The following SSBP2 variants were observed in gnomAD, a reference collection of about 807,000 sequenced individuals.
SSBP2 encodes the protein single-stranded DNA-binding protein 2.
In SSBP2, 17 loss-of-function variants were observed where a neutral mutation model predicts 61.8. That is an observed-to-expected ratio of 0.28 (90% CI 0.19 to 0.41). The LOEUF (loss-of-function observed/expected upper bound fraction) is 0.41. Among genes scored for constraint, SSBP2 ranks in the 10% least tolerant of loss-of-function variants. The pLI, the probability that SSBP2 is intolerant of heterozygous loss-of-function variation, is 1.00. For synonymous variants in SSBP2, 139 were observed against 141.3 expected (o/e 0.98, Z 0.12); for missense variants, 310 against 458.7 (o/e 0.68, Z 2.96).
intron 3 of SSBP2, among the ~76,000 whole-genome samples, chr5:81,622,426 G>C (rs1201602724): frequency 6.6e-6 from 1 of 152,184 alleles, no homozygotes; most frequent in East Asian, 1.9e-4. Context: ...TAAGAGCACA[G>C]GCACTGGAGC....
chr5:81,693,270 G>A (rs1490092046), intron 1 of SSBP2, among the ~76,000 whole-genome samples: 1 of 150,340 alleles, frequency 6.7e-6, no homozygotes, highest in Non-Finnish European at 1.5e-5. Context: ...ACTGGGCAAA[G>A]GTTTATTGAG....
intron 15 of SSBP2, among the ~76,000 whole-genome samples, chr5:81,434,559 G>A (rs766662093): frequency 4.0e-5 from 6 of 149,024 alleles, no homozygotes; most frequent in Non-Finnish European, 7.4e-5. Flanking sequence ...AACCCAGGAG[G>A]CGGAGGTTGC....
chr5:81,479,760 T>C (rs1490032044), intron 6 of SSBP2, among the ~76,000 whole-genome samples: 1 of 152,212 alleles, frequency 6.6e-6, no homozygotes, highest in Non-Finnish European at 1.5e-5. Context: ...GTTTAAACAA[T>C]CTTATAAAGT....
intron 4 of SSBP2, among the ~76,000 whole-genome samples, chr5:81,547,974 C>CTG (rs1771868581): frequency 2.0e-5 from 3 of 152,096 alleles, no homozygotes; most frequent in Non-Finnish European, 2.9e-5. Context: ...CTGTATGTTA[C>CTG]TGTGTAAACC....
intron 1 of SSBP2, among the ~76,000 whole-genome samples, chr5:81,677,833 A>G (rs1378708678): frequency 1.3e-5 from 2 of 151,330 alleles, no homozygotes; most frequent in African/African-American, 4.9e-5. Context: ...AAGGGTGAAA[A>G]AAAAAAAAAA....
At chr5:81,540,610 A>G (rs1771189540) in intron 4 of SSBP2, among the ~76,000 whole-genome samples, 1 of 152,088 alleles carries the variant, frequency 6.6e-6, no homozygotes, top group Non-Finnish European at 1.5e-5. Context: ...CATAAATTTG[A>G]TTAAGTTCTT....
intron 4 of SSBP2, among the ~76,000 whole-genome samples, chr5:81,570,531 G>T (rs1383692282): frequency 6.6e-6 from 1 of 152,164 alleles, no homozygotes; most frequent in Non-Finnish European, 1.5e-5. Flanking sequence ...TCTAAGTACA[G>T]TGACGACCAA....
chr5:81,534,603 A>G (rs1214456217), intron 4 of SSBP2, among the ~76,000 whole-genome samples: 4 of 152,150 alleles, frequency 2.6e-5, no homozygotes, highest in Non-Finnish European at 4.4e-5. Flanking sequence ...TAGACGAGAC[A>G]TGACTGAAGA....
intron 5 of SSBP2, among the ~76,000 whole-genome samples, chr5:81,508,243 C>G (rs1406173849): frequency 6.6e-6 from 1 of 152,030 alleles, no homozygotes; most frequent in Non-Finnish European, 1.5e-5. Context: ...CATGTCTACT[C>G]TCTTCCCTCT....
At chr5:81,567,847 T>C (rs555156990) in intron 4 of SSBP2, among the ~76,000 whole-genome samples, 8 of 152,336 alleles carry the variant, frequency 5.3e-5, no homozygotes, top group East Asian at 3.9e-4. Flanking sequence ...CTGCTGAATT[T>C]TGGACTTGCA....
intron 13 of SSBP2, among the ~76,000 whole-genome samples, 174 bp downstream of exon 13, chr5:81,442,479 T>C (rs1554064918): frequency 6.6e-6 from 1 of 152,108 alleles, no homozygotes; most frequent in Non-Finnish European, 1.5e-5. Context: ...ATCTCTGTTA[T>C]ATATGTTTAC....
intron 6 of SSBP2, among the ~76,000 whole-genome samples, chr5:81,484,163 C>A (rs1022919192): frequency 2.0e-5 from 3 of 152,082 alleles, no homozygotes; most frequent in African/African-American, 7.2e-5. Context: ...TTTGGATAGC[C>A]CTGTGAAGTT....
chr5:81,529,579 C>A (rs904083348), intron 4 of SSBP2, among the ~76,000 whole-genome samples: 2 of 151,970 alleles, frequency 1.3e-5, no homozygotes, highest in African/African-American at 4.8e-5. Flanking sequence ...AGAGAATTCA[C>A]AGAAAGGGGA....
intron 4 of SSBP2, among the ~76,000 whole-genome samples, chr5:81,561,226 G>C (rs1037324810): frequency 6.6e-6 from 1 of 151,998 alleles, no homozygotes; most frequent in Admixed American, 6.6e-5. Context: ...ACTGAACAAG[G>C]AAAATAATAG....
At chr5:81,506,803 CA>C (rs756772430) in intron 5 of SSBP2, among the ~76,000 whole-genome samples, 51 of 152,142 alleles carry the variant, frequency 3.4e-4, no homozygotes, top group Non-Finnish European at 6.0e-4. Flanking sequence ...ATCTATCTCC[CA>C]AAAACATTTA....
rs894663508 is a variant in SSBP2, at chr5:81,457,375, A to T, written c.687+3680T>A. Among the ~76,000 whole-genome samples, 5 of 152,248 alleles carry T rather than the reference A, an allele frequency of 3.3e-5. 1 individual carries two copies. The highest frequency in any genetic ancestry group is 1.2e-4 in the African/African-American group (5 of 41,472). On this transcript the variant is annotated intron_variant, in intron 10 of 16. Transcript: ENST00000320672. ...AGCTAACTAATAAACGGAGAAGAAA[A>T]GACAGAATTCAAAAATATCCATTTG...
At chr5:81,580,129 G>T (rs907886775) in intron 4 of SSBP2, among the ~76,000 whole-genome samples, 126 of 152,208 alleles carry the variant, frequency 8.3e-4, no homozygotes, top group African/African-American at 3.0e-3. Context: ...AGGAATGGGA[G>T]TGGTTGGTGA....
intron 1 of SSBP2, among the ~76,000 whole-genome samples, chr5:81,719,769 A>T (rs1357684810): frequency 7.9e-5 from 12 of 152,150 alleles, no homozygotes; most frequent in African/African-American, 1.2e-4. Context: ...AGCCTTTATT[A>T]TGGTTTTCAG....
At position 81,679,929 on chromosome 5, in the gene SSBP2, T is replaced by A. The variant is rs116740367; in HGVS notation, c.63-29590A>T. ...TAAGAATGGGCATCATCCAATCTGG[T>A]GAAGGCCTCAATAGAATAAAAAGGT... is the stretch of plus-strand genomic sequence containing the variant. On this transcript the variant is annotated intron_variant, in intron 1 of 16. Transcript: ENST00000320672. 7.7e-3 allele frequency among the ~76,000 whole-genome samples: 1,142 copies of A among 148,744 alleles called. 6 individuals are homozygous for A. Among genetic ancestry groups the A allele is most frequent in the Non-Finnish European group, 8.9e-3 (597 of 67,430 alleles).
Sources: gnomAD v4.1 joint callset for allele counts (sites outside exome capture counted in the v4.1 genomes callset) on GRCh38, gnomAD v4.1.1 for gene constraint, MANE v1.5 for transcripts, NCBI Gene and HGNC (gene_info 2026-07-23, HGNC 2026-07-21) for gene names.